RPA1: variants seen among roughly 807,000 people sequenced by gnomAD.
RPA1 encodes the protein replication protein A1, also known as replication protein A 70 kDa DNA-binding subunit.
Under a neutral mutation model 83.0 loss-of-function variants are expected in RPA1, and 49 were observed. That is an observed-to-expected ratio of 0.59 (90% CI 0.47 to 0.75). The LOEUF is 0.75. Among genes scored for constraint, RPA1 ranks in the 30% least tolerant of loss-of-function variants. The pLI is 0.00. For missense variants in RPA1, 693 were observed against 776.1 expected, an observed-to-expected ratio of 0.89 and a Z score of 1.27; for synonymous variants, 279 against 281.8, an observed-to-expected ratio of 0.99 and a Z score of 0.10.
intron 5 of RPA1, among the ~76,000 whole-genome samples, chr17:1,870,752 A>G (rs1046811925): frequency 9.2e-5 from 14 of 152,260 alleles, no homozygotes; most frequent in Non-Finnish European, 4.4e-5. Context: ...CAGCAAGATC[A>G]GATGACCACA....
chr17:1,847,213 T>C (rs9905780), intron 4 of RPA1, among the ~76,000 whole-genome samples: 5,161 of 152,344 alleles, frequency 0.034, 284 homozygotes, highest in African/African-American at 0.11. Flanking sequence ...CTGTCCAGAC[T>C]TGGTATTTGC....
At position 1,875,642 on chromosome 17, in the gene RPA1, T is replaced by C; in HGVS notation, c.455-19T>C. The C allele has an allele frequency of 6.2e-7, 1 of 1,604,064 alleles. No homozygotes were observed. Among genetic ancestry groups the C allele is most frequent in the Non-Finnish European group, 8.5e-7 (1 of 1,176,296 alleles). On this transcript the variant is annotated intron_variant, in intron 6 of 16. Coordinates refer to ENST00000254719, the MANE Select transcript of RPA1 (RefSeq NM_002945.5). ...GTAGAATAGTAATAACTCCTTTTCGTTTGCGTTTGTTTTTAAAGGTTCTAC... is the reference window on the plus strand; with the variant it reads ...GTAGAATAGTAATAACTCCTTTTCGCTTGCGTTTGTTTTTAAAGGTTCTAC...
intron 1 of RPA1, among the ~76,000 whole-genome samples, chr17:1,841,395 C>G (rs1463891332): frequency 3.3e-5 from 5 of 152,172 alleles, no homozygotes; most frequent in Non-Finnish European, 7.3e-5. Context: ...CCTCCGCCTC[C>G]TGGGTTCAAG....
rs1022198875 is a variant in RPA1 at position 1,897,120 on chromosome 17, A to T, written c.1796A>T (p.Tyr599Phe). Residue 599 changes from tyrosine (Y) to phenylalanine (F), a missense_variant, in exon 17 of 17, where the codon TAC becomes TTC. Tyr to Phe is a conservative substitution (Grantham distance 22). Transcript: ENST00000254719. ...GTGATGGACGTGAAGCCCGTGGACT[A>T]CAGAGAGTATGGCCGAAGGCTGGTC... Reference protein sequence around the residue: ...ATVMDVKPVDYREYGRRLVMS... With the variant: ...ATVMDVKPVDFREYGRRLVMS... 1.9e-6 allele frequency: 3 copies of T among 1,572,562 alleles called. No homozygotes were observed. Among genetic ancestry groups the T allele is most frequent in the Non-Finnish European group, 1.7e-6 (2 of 1,158,604 alleles).
At chr17:1,862,884 A>AT (rs1360474882) in intron 5 of RPA1, among the ~76,000 whole-genome samples, 1 of 150,548 alleles carries the variant, frequency 6.6e-6, no homozygotes, top group Non-Finnish European at 1.5e-5. Context: ...CGCCCAGCTA[A>AT]TTTTTGTATT....
chr17:1,896,451 C>T (rs964811782), intron 16 of RPA1, among the ~76,000 whole-genome samples: 2 of 150,298 alleles, frequency 1.3e-5, no homozygotes, highest in African/African-American at 4.9e-5. Flanking sequence ...CCTTAACGCC[C>T]GTTCTTCTGC....
chr17:1,883,468 A>T (rs1410613644), intron 12 of RPA1, among the ~76,000 whole-genome samples: 1 of 152,082 alleles, frequency 6.6e-6, no homozygotes, highest in Non-Finnish European at 1.5e-5. Context: ...GCCTAAAAAA[A>T]ATTTTTTTAA....
chr17:1,859,935 C>T (rs1047809851), intron 5 of RPA1, among the ~76,000 whole-genome samples: 3 of 152,230 alleles, frequency 2.0e-5, no homozygotes, highest in Non-Finnish European at 4.4e-5. Context: ...GCCTCAGCCT[C>T]CTGAGTAGCT....
chr17:1,847,874 G>T (rs1192582746), intron 4 of RPA1, among the ~76,000 whole-genome samples: 1 of 151,998 alleles, frequency 6.6e-6, no homozygotes, highest in Non-Finnish European at 1.5e-5. Context: ...ACACAAATTA[G>T]CTGGGCGTGG....
chr17:1,846,323 T>C (rs1470448827), intron 4 of RPA1, among the ~76,000 whole-genome samples: 3 of 144,334 alleles, frequency 2.1e-5, no homozygotes, highest in Admixed American at 6.9e-5. Flanking sequence ...TTTTTTTTTT[T>C]TTTTTTTTTT....
chr17:1,840,371 C>T (rs565265833), intron 1 of RPA1, among the ~76,000 whole-genome samples: 1 of 152,216 alleles, frequency 6.6e-6, no homozygotes, highest in East Asian at 1.9e-4. Context: ...ACTGCAACCT[C>T]CGCCTCCCAG....
At chr17:1,844,484 A>G (rs1597422633) in intron 3 of RPA1, 94 bp from the exon 4 acceptor site, 1 of 855,990 alleles carries the variant, frequency 1.2e-6, no homozygotes, top group East Asian at 2.6e-5. Context: ...GAGCATATGT[A>G]AGGCATTTTT....
chr17:1,895,383 T>C (rs1256352492), intron 16 of RPA1, among the ~76,000 whole-genome samples: 1 of 151,934 alleles, frequency 6.6e-6, no homozygotes, highest in African/African-American at 2.4e-5. Context: ...CTAGGATTTT[T>C]TCGTCTGTGT....
chr17:1,870,324 G>A (rs550105856), intron 5 of RPA1, among the ~76,000 whole-genome samples: 13 of 152,236 alleles, frequency 8.5e-5, no homozygotes, highest in Admixed American at 6.5e-4. Context: ...AGAATCCGGG[G>A]ATCACAAGAC....
intron 15 of RPA1, among the ~76,000 whole-genome samples, chr17:1,893,849 G>GA (rs917213967): frequency 6.6e-6 from 1 of 151,800 alleles, no homozygotes; most frequent in African/African-American, 2.4e-5. Context: ...ACTTTCTTCT[G>GA]AGTGTTTTTC....
At position 1,858,037 on chromosome 17, in the gene RPA1, C is replaced by A. The variant is rs1049887927; in HGVS notation, c.361+4848C>A. On this transcript the variant is annotated intron_variant, in intron 5 of 16. Transcript: ENST00000254719. Reference sequence around the variant, plus strand: ...GAAGATGATGCTGGGAGCCTCCTTTCTTCACATGGCTGCCAGCCCCATAGA... The same window carrying A: ...GAAGATGATGCTGGGAGCCTCCTTTATTCACATGGCTGCCAGCCCCATAGA... The A allele has an allele frequency of 3.7e-6, 6 of 1,611,700 alleles. No individual in the cohort carries two copies. The African/African-American group carries it at 8.1e-5, about 22-fold the overall frequency.
chr17:1,871,765 C>G (rs1425177319), intron 5 of RPA1, among the ~76,000 whole-genome samples: 2 of 152,160 alleles, frequency 1.3e-5, no homozygotes, highest in African/African-American at 4.8e-5. Flanking sequence ...CATTTCCCCC[C>G]CTTTACTTTT....
At chr17:1,877,607 C>T (rs1025338257) in intron 8 of RPA1, among the ~76,000 whole-genome samples, 7 of 152,152 alleles carry the variant, frequency 4.6e-5, no homozygotes, top group African/African-American at 1.7e-4. Context: ...TAAATGACAG[C>T]GTTTGTAGCA....
chr17:1,844,867 A>G (rs1461546017), intron 4 of RPA1, among the ~76,000 whole-genome samples, 181 bp downstream of exon 4: 1 of 152,210 alleles, frequency 6.6e-6, no homozygotes, highest in East Asian at 1.9e-4. Context: ...TTCAGAGCAG[A>G]AGATTAAAGT....
Sources: gnomAD v4.1 joint callset for allele counts (sites outside exome capture counted in the v4.1 genomes callset) on GRCh38, gnomAD v4.1.1 for gene constraint, MANE v1.5 for transcripts, NCBI Gene and HGNC (gene_info 2026-07-23, HGNC 2026-07-21) for gene names.